NFIA: variants seen among roughly 807,000 people sequenced by gnomAD.
The protein encoded by NFIA is nuclear factor I A, also known as nuclear factor 1 A-type.
A neutral mutation model predicts 62.8 loss-of-function variants in NFIA; 8 were observed. That is an observed-to-expected ratio of 0.13 (90% CI 0.07 to 0.23). The LOEUF (loss-of-function observed/expected upper bound fraction) is 0.23, where lower values mean the gene tolerates loss of function less well. NFIA is among the 10% of genes least tolerant of loss of function. The pLI is 1.00. For missense variants in NFIA, 410 were observed against 642.1 expected (o/e 0.64, Z 3.91); for synonymous variants, 235 against 238.1 (o/e 0.99, Z 0.12).
intron 2 of NFIA, among the ~76,000 whole-genome samples, chr1:61,182,124 A>G (rs1329583178): frequency 6.6e-6 from 1 of 152,204 alleles, no homozygotes; most frequent in Non-Finnish European, 1.5e-5. Context: ...GGTTGCCTGC[A>G]GTCTATTTTT....
rs572105878 is a variant in NFIA, at chr1:61,410,775, C to T, written c.1420+4048C>T. ...TACAAAAATTAGCTGGGTGTGGTGG[C>T]GTGCACCCGTAGTTTCAGCTACTTG... On this transcript the variant is annotated intron_variant, in intron 9 of 10. Coordinates refer to ENST00000403491, the MANE Select transcript of NFIA (RefSeq NM_001134673.4). 3.9e-4 allele frequency among the ~76,000 whole-genome samples: 60 copies of T among 151,914 alleles called. 1 individual carries two copies. Among genetic ancestry groups the T allele is most frequent in the Non-Finnish European group, 4.1e-4 (28 of 67,978 alleles).
intron 2 of NFIA, among the ~76,000 whole-genome samples, chr1:61,194,906 A>G (rs1214758924): frequency 6.6e-6 from 1 of 152,158 alleles, no homozygotes; most frequent in Non-Finnish European, 1.5e-5. Flanking sequence ...GACTATATAG[A>G]GCTCTTTTCA....
chr1:61,121,360 A>G (rs572154842), intron 2 of NFIA, among the ~76,000 whole-genome samples: 73 of 152,324 alleles, frequency 4.8e-4, no homozygotes, highest in South Asian at 3.3e-3. Context: ...ATGTAAAAGT[A>G]TGCTGTATTA....
At chr1:61,186,646 G>C (rs1651204227) in intron 2 of NFIA, among the ~76,000 whole-genome samples, 1 of 152,200 alleles carries the variant, frequency 6.6e-6, no homozygotes, top group Non-Finnish European at 1.5e-5. Flanking sequence ...TGCCTTATAG[G>C]AAGTAGCATT....
At chr1:61,304,555 A>T (rs1033678517) in intron 3 of NFIA, among the ~76,000 whole-genome samples, 3 of 152,186 alleles carry the variant, frequency 2.0e-5, no homozygotes, top group African/African-American at 7.2e-5. Flanking sequence ...GCCTAGGAAC[A>T]TGGAACTCAT....
Position 61,460,552 on chromosome 1 carries a change from A to C in NFIA, c.*5232A>C, listed in dbSNP as rs182386552. On this transcript the variant is annotated 3_prime_UTR_variant, in exon 11 of 11. Coordinates refer to ENST00000403491, the MANE Select transcript of NFIA (RefSeq NM_001134673.4). ...TGCACTAATCTATCTGAAGAAAAAAACTATATCAACTTTGGTATCTACTTT... is the reference window on the plus strand; with the variant it reads ...TGCACTAATCTATCTGAAGAAAAAACCTATATCAACTTTGGTATCTACTTT... 6.6e-6 allele frequency: 1 copy of C among 152,364 alleles called. No individual in the cohort carries two copies. The highest frequency in any genetic ancestry group is 1.9e-4 in the East Asian group (1 of 5,194). 9.4% of individuals were successfully genotyped at this position (152,364 alleles called of 1,614,324 possible).
At chr1:61,199,271 T>A (rs1652249818) in intron 2 of NFIA, among the ~76,000 whole-genome samples, 1 of 152,204 alleles carries the variant, frequency 6.6e-6, no homozygotes, top group Admixed American at 6.5e-5. Flanking sequence ...CAACAAAATT[T>A]AATGAAGTAG....
intron 2 of NFIA, among the ~76,000 whole-genome samples, chr1:61,263,018 A>G (rs1411770674): frequency 5.9e-5 from 9 of 152,210 alleles, no homozygotes; most frequent in Admixed American, 5.2e-4. Context: ...TTTGTTGCCA[A>G]TAAAATTTCC....
intron 4 of NFIA, among the ~76,000 whole-genome samples, chr1:61,346,712 C>G (rs970196635): frequency 1.3e-5 from 2 of 152,176 alleles, no homozygotes; most frequent in Non-Finnish European, 2.9e-5. Context: ...ATCTTAGCCC[C>G]CTTCCATGCA....
intron 3 of NFIA, among the ~76,000 whole-genome samples, chr1:61,312,388 CTGTAT>C (rs899962471): frequency 6.6e-6 from 1 of 152,120 alleles, no homozygotes; most frequent in African/African-American, 2.4e-5. Context: ...TATTAGAATT[CTGTAT>C]TGTCTAACAT....
intron 2 of NFIA, among the ~76,000 whole-genome samples, chr1:61,130,529 A>T (rs1647055148): frequency 6.6e-6 from 1 of 152,204 alleles, no homozygotes; most frequent in Admixed American, 6.5e-5. Context: ...TGCATCAGTG[A>T]TGCATAACAT....
intron 2 of NFIA, among the ~76,000 whole-genome samples, chr1:61,155,865 G>C (rs558893396): frequency 4.6e-5 from 7 of 152,038 alleles, no homozygotes; most frequent in East Asian, 3.9e-4. Context: ...GGCTGGGCGC[G>C]GTGGCTCACG....
chr1:61,320,469 G>T (rs1335140769), intron 3 of NFIA, among the ~76,000 whole-genome samples: 1 of 152,138 alleles, frequency 6.6e-6, no homozygotes, highest in African/African-American at 2.4e-5. Context: ...GCATTTTGTG[G>T]TTCTAAACAT....
intron 1 of NFIA, among the ~76,000 whole-genome samples, chr1:61,084,685 A>G (rs75521739): frequency 0.017 from 2,538 of 152,296 alleles, 37 homozygotes; most frequent in Non-Finnish European, 0.029. Context: ...AAGGACCCTA[A>G]CAGATACATT....
chr1:61,192,790 G>T (rs759423806), intron 2 of NFIA, among the ~76,000 whole-genome samples: 1 of 152,024 alleles, frequency 6.6e-6, no homozygotes. Context: ...TGTAAGTGCC[G>T]AAGCACCAAG....
chr1:61,277,615 C>T (rs1557677986), intron 3 of NFIA, 30 bp downstream of exon 3: 1 of 1,609,974 alleles, frequency 6.2e-7, no homozygotes, highest in Non-Finnish European at 8.5e-7. Flanking sequence ...CTAGCTGCTG[C>T]TTTCAGAGTC....
At chr1:61,301,509 C>T (rs1283968229) in intron 3 of NFIA, among the ~76,000 whole-genome samples, 1 of 152,034 alleles carries the variant, frequency 6.6e-6, no homozygotes, top group Non-Finnish European at 1.5e-5. Context: ...CTTAAGGACT[C>T]GACTTTACAG....
At chr1:61,200,639 A>G (rs909625851) in intron 2 of NFIA, among the ~76,000 whole-genome samples, 6 of 152,190 alleles carry the variant, frequency 3.9e-5, no homozygotes, top group African/African-American at 1.2e-4. Context: ...TGTTGGGTAG[A>G]CAAGACATAT....
chr1:61,226,558 C>T (rs1241444260), intron 2 of NFIA, among the ~76,000 whole-genome samples: 2 of 152,132 alleles, frequency 1.3e-5, no homozygotes, highest in Admixed American at 1.3e-4. Flanking sequence ...CCAAATAATT[C>T]AGTCCAAAGA....
Sources: gnomAD v4.1 joint callset for allele counts (sites outside exome capture counted in the v4.1 genomes callset) on GRCh38, gnomAD v4.1.1 for gene constraint, MANE v1.5 for transcripts, NCBI Gene and HGNC (gene_info 2026-07-23, HGNC 2026-07-21) for gene names.